The following UQCR11 variants were observed in gnomAD, a reference collection of about 807,000 sequenced individuals.
UQCR11 encodes the protein ubiquinol-cytochrome c reductase, complex III subunit XI.
A neutral mutation model predicts 7.6 loss-of-function variants in UQCR11; 10 were observed. The ratio of observed to expected loss-of-function variants is 1.31; its 90% CI spans 0.81 to 2.22. The LOEUF (loss-of-function observed/expected upper bound fraction) is 2.22, where lower values mean the gene tolerates loss of function less well. Ranked by LOEUF, UQCR11 falls within the 30% of genes most tolerant of loss-of-function variation. The probability of loss-of-function intolerance (pLI) is 0.00; values close to 1 mark genes in which losing one functional copy is unlikely to be tolerated. For missense variants in UQCR11, 86 were observed against 75.1 expected, an observed-to-expected ratio of 1.15 and a Z score of -0.54; for synonymous variants, 34 against 34.9, an observed-to-expected ratio of 0.97 and a Z score of 0.09.
intron 1 of UQCR11, among the ~76,000 whole-genome samples, chr19:1,603,677 C>T (rs922799345): frequency 6.6e-6 from 1 of 152,122 alleles, no homozygotes; most frequent in Non-Finnish European, 1.5e-5. Context: ...ACGGGTGGTC[C>T]CCGCTGTGAC....
At chr19:1,602,655 T>C (rs2145621795) in intron 1 of UQCR11, among the ~76,000 whole-genome samples, 1 of 152,214 alleles carries the variant, frequency 6.6e-6, no homozygotes, top group South Asian at 2.1e-4. Flanking sequence ...TTTCACCTTG[T>C]TGGCCAGGCT....
At chr19:1,600,339 G>A (rs542615937) in intron 1 of UQCR11, among the ~76,000 whole-genome samples, 5 of 149,914 alleles carry the variant, frequency 3.3e-5, no homozygotes, top group South Asian at 2.1e-4. Flanking sequence ...TCAGCCTCCC[G>A]AGTAGCTGGG....
intron 1 of UQCR11, among the ~76,000 whole-genome samples, chr19:1,604,133 C>T (rs528238787): frequency 4.6e-5 from 7 of 152,232 alleles, no homozygotes; most frequent in Middle Eastern, 3.4e-3. Context: ...TCAGTAGAGA[C>T]GGGGTTTCTC....
chr19:1,604,542 T>C (rs1425026913), intron 1 of UQCR11, among the ~76,000 whole-genome samples: 1 of 149,912 alleles, frequency 6.7e-6, no homozygotes, highest in East Asian at 2.0e-4. Flanking sequence ...TCTTTTCTCT[T>C]TTTGGGACAC....
chr19:1,604,230 T>TGTAATTTAGAG (rs2060755343), intron 1 of UQCR11, among the ~76,000 whole-genome samples: 1 of 151,680 alleles, frequency 6.6e-6, no homozygotes, highest in African/African-American at 2.4e-5. Flanking sequence ...CAGGCGTGAG[T>TGTAATTTAGAG]CACTGCGCCC....
At position 1,599,492 on chromosome 19, in the gene UQCR11, A is replaced by T; in HGVS notation, c.119T>A (p.Leu40Gln). ...GATGTAAGGTACCCAGTCCAGGATC[A>T]GCCGCCAATCGGTGGCCCACACCAG... ...VGLVWATDWRLILDWVPYING... is the reference protein window; with the variant it reads ...VGLVWATDWRQILDWVPYING... Residue 40 changes from leucine to glutamine, a missense_variant, in exon 2 of 3, where the codon CTG becomes CAG. Transcript: ENST00000591899. The T allele has an allele frequency of 2.5e-6, 4 of 1,613,706 alleles. No individual in the cohort carries two copies. Among genetic ancestry groups the T allele is most frequent in the Non-Finnish European group, 3.4e-6 (4 of 1,180,012 alleles).
At chr19:1,603,115 A>G (rs2060751882) in intron 1 of UQCR11, among the ~76,000 whole-genome samples, 1 of 152,134 alleles carries the variant, frequency 6.6e-6, no homozygotes, top group African/African-American at 2.4e-5. Flanking sequence ...AGCCTCCCAA[A>G]GCCACTGCCT....
intron 1 of UQCR11, among the ~76,000 whole-genome samples, chr19:1,604,708 A>G (rs1394363398): frequency 6.6e-6 from 1 of 151,312 alleles, no homozygotes; most frequent in African/African-American, 2.4e-5. Context: ...TTGCATTTTT[A>G]GTAGAGACGC....
intron 1 of UQCR11, 58 bp from the exon 2 acceptor site, chr19:1,599,618 C>T: frequency 1.9e-6 from 3 of 1,590,288 alleles, no homozygotes; most frequent in Non-Finnish European, 2.6e-6. Context: ...AAGACCCTCT[C>T]CTGCCCACCC....
Position 1,601,811 on chromosome 19 carries a change from A to C in UQCR11, c.51-2251T>G, listed in dbSNP as rs142682291. Among the ~76,000 whole-genome samples, 10 of 152,220 alleles carry C rather than the reference A, an allele frequency of 6.6e-5. No homozygotes were observed. The East Asian group carries it at 1.7e-3, about 26-fold the overall frequency. The stretch of plus-strand genomic sequence containing the variant: ...TTTTGGGAGACCATTTCTTATGCAC[A>C]CAGCACTAGATAACAATTGCAGGTC... On this transcript the variant is annotated intron_variant, in intron 1 of 2. Coordinates refer to ENST00000591899, the MANE Select transcript of UQCR11 (RefSeq NM_006830.4).
Position 1,605,427 on chromosome 19 carries a change from C to G in UQCR11, c.-18G>C. ...GTCACCATCGCGGCGGAGTCGCACC[C>G]TCAGGATGACCCTGTCCAGCTGACC... On this transcript the variant is annotated 5_prime_UTR_variant, in exon 1 of 3. Transcript: ENST00000591899. 1 of 1,553,548 alleles carries G rather than the reference C, an allele frequency of 6.4e-7. No individual in the cohort carries two copies. Among genetic ancestry groups the G allele is most frequent in the Non-Finnish European group, 8.7e-7 (1 of 1,154,656 alleles).
At chr19:1,605,302 C>A in intron 1 of UQCR11, 58 bp downstream of exon 1, 3 of 1,508,106 alleles carry the variant, frequency 2.0e-6, no homozygotes, top group East Asian at 2.8e-5. Flanking sequence ...CGGAACGCAG[C>A]GGCGCGGGGC....
intron 1 of UQCR11, among the ~76,000 whole-genome samples, chr19:1,604,993 A>G (rs1345631408): frequency 6.6e-6 from 1 of 152,220 alleles, no homozygotes; most frequent in African/African-American, 2.4e-5. Flanking sequence ...AAAAACCAAA[A>G]TAGTGGCAAA....
At chr19:1,604,183 G>C (rs538657105) in intron 1 of UQCR11, among the ~76,000 whole-genome samples, 1 of 152,338 alleles carries the variant, frequency 6.6e-6, no homozygotes, top group South Asian at 2.1e-4. Context: ...GACCTCGGGT[G>C]ATTCGCCCGC....
At chr19:1,602,744 GCC>G (rs1246891599) in intron 1 of UQCR11, among the ~76,000 whole-genome samples, 2 of 152,128 alleles carry the variant, frequency 1.3e-5, no homozygotes, top group Admixed American at 1.3e-4. Context: ...GAGCCACTGC[GCC>G]CAGCCCTGGG....
At chr19:1,602,247 G>A (rs1285095398) in intron 1 of UQCR11, 5 of 152,172 alleles carry the variant, frequency 3.3e-5, no homozygotes, top group Admixed American at 1.3e-4. Flanking sequence ...TGCTCCTCCT[G>A]GAGGCGGATG....
intron 1 of UQCR11, among the ~76,000 whole-genome samples, chr19:1,605,032 G>C (rs2060757919): frequency 1.3e-5 from 2 of 152,278 alleles, no homozygotes; most frequent in Admixed American, 1.3e-4. Context: ...TGCTGGGCTG[G>C]GGATCGGGAC....
At chr19:1,602,587 G>A (rs958702931) in intron 1 of UQCR11, among the ~76,000 whole-genome samples, 5 of 152,104 alleles carry the variant, frequency 3.3e-5, no homozygotes, top group African/African-American at 7.2e-5. Flanking sequence ...ATGAAGCTGG[G>A]ATTACAGGTG....
chr19:1,605,410 C>T lies in UQCR11; in HGVS notation c.-1G>A, dbSNP rs933156059. The T allele has an allele frequency of 6.4e-7, 1 of 1,558,806 alleles. No individual in the cohort carries two copies. The highest frequency in any genetic ancestry group is 8.7e-7 in the Non-Finnish European group (1 of 1,155,788). On this transcript the variant is annotated 5_prime_UTR_variant, in exon 1 of 3. Transcript: ENST00000591899. ...GTGGGCCCAGGAACCGGGTCACCAT[C>T]GCGGCGGAGTCGCACCCTCAGGATG... is the stretch of plus-strand genomic sequence containing the variant.
Sources: gnomAD v4.1 joint callset for allele counts (sites outside exome capture counted in the v4.1 genomes callset) on GRCh38, gnomAD v4.1.1 for gene constraint, MANE v1.5 for transcripts, NCBI Gene and HGNC (gene_info 2026-07-23, HGNC 2026-07-21) for gene names.